APOLD1: variants seen among roughly 807,000 people sequenced by gnomAD.
The protein encoded by APOLD1 is apolipoprotein L domain-containing protein 1.
A neutral mutation model predicts 15.3 loss-of-function variants in APOLD1; 22 were observed. The ratio of observed to expected loss-of-function variants is 1.44; its 90% CI spans 1.03 to 2.05. The LOEUF is 2.05. Ranked by LOEUF, APOLD1 falls within the 30% of genes most tolerant of loss-of-function variation. APOLD1 has a pLI of 0.00. For missense variants in APOLD1, 394 were observed against 353.5 expected (o/e 1.11, Z -0.92); for synonymous variants, 190 against 167.4 (o/e 1.13, Z -1.04).
intron 1 of APOLD1, among the ~76,000 whole-genome samples, chr12:12,749,566 T>G (rs1946791681): frequency 6.6e-6 from 1 of 152,198 alleles, no homozygotes; most frequent in East Asian, 1.9e-4. Flanking sequence ...GATTGGTTGC[T>G]TTTTGCAGCC....
At chr12:12,755,571 T>C (rs1946851395) in intron 1 of APOLD1, among the ~76,000 whole-genome samples, 1 of 152,254 alleles carries the variant, frequency 6.6e-6, no homozygotes, top group Non-Finnish European at 1.5e-5. Flanking sequence ...CTGGGCGTGG[T>C]GGCTCACCCT....
At chr12:12,747,794 T>C (rs957664577) in intron 1 of APOLD1, among the ~76,000 whole-genome samples, 1 of 152,164 alleles carries the variant, frequency 6.6e-6, no homozygotes, top group African/African-American at 2.4e-5. Context: ...GGAGCACAAT[T>C]AGGGAGAAGC....
At chr12:12,730,957 C>T (rs376574526) in intron 1 of APOLD1, among the ~76,000 whole-genome samples, 12 of 151,690 alleles carry the variant, frequency 7.9e-5, no homozygotes, top group East Asian at 2.0e-4. Context: ...TTGGCTAACA[C>T]GGTGAAACCC....
At position 12,787,977 on chromosome 12, in the gene APOLD1, C is replaced by A; in HGVS notation, c.*325C>A. On this transcript the variant is annotated 3_prime_UTR_variant, in exon 2 of 2. Transcript: ENST00000356591. This position sits in a 1 kb window ranked among gnomAD's most constrained non-coding sequence, Gnocchi z 4.9. ...TAAAGTTATTTCGGGGTCCCTGACC[C>A]TGCCCTGGTGGCTTGGCCTGAGACT... 3.8e-6 allele frequency: 1 copy of A among 260,908 alleles called. No homozygotes were observed. 16.2% of individuals were successfully genotyped at this position (260,908 alleles called of 1,614,324 possible).
intron 1 of APOLD1, among the ~76,000 whole-genome samples, chr12:12,742,219 C>CA (rs948693574): frequency 4.4e-4 from 65 of 148,616 alleles, no homozygotes; most frequent in South Asian, 2.3e-3. Flanking sequence ...GTTGCTTTGG[C>CA]AAAAAAAAAG....
chr12:12,748,272 A>C lies in APOLD1; in HGVS notation c.96+22176A>C, dbSNP rs185880053. On this transcript the variant is annotated intron_variant, in intron 1 of 1. Transcript: ENST00000326765. The stretch of plus-strand genomic sequence containing the variant: ...GCTTCCAATGTGTTAGCACGAGGTA[A>C]TGTAAACAAACAGTCCAAGTTTTAA... 5.5e-4 allele frequency among the ~76,000 whole-genome samples: 84 copies of C among 152,328 alleles called. 1 individual carries two copies. The highest frequency in any genetic ancestry group is 4.1e-4 in the Non-Finnish European group (28 of 68,024).
chr12:12,733,210 C>T (rs116233167), intron 1 of APOLD1, among the ~76,000 whole-genome samples: 2,222 of 151,318 alleles, frequency 0.015, 51 homozygotes, highest in African/African-American at 0.05. Context: ...CCTGTAGTCA[C>T]AGCTACTCAG....
intron 1 of APOLD1, among the ~76,000 whole-genome samples, chr12:12,741,964 A>G (rs1946731704): frequency 6.6e-6 from 1 of 152,218 alleles, no homozygotes; most frequent in African/African-American, 2.4e-5. Flanking sequence ...GCTCAGTGTG[A>G]CACTCGATCC....
intron 1 of APOLD1, among the ~76,000 whole-genome samples, chr12:12,738,714 A>G (rs1479261896): frequency 6.6e-6 from 1 of 152,140 alleles, no homozygotes; most frequent in Non-Finnish European, 1.5e-5. Context: ...AGTATGCTGG[A>G]CTGTGCTAGG....
At chr12:12,754,876 C>CAA (rs56984147) in intron 1 of APOLD1, among the ~76,000 whole-genome samples, 4,419 of 98,726 alleles carry the variant, frequency 0.045, 282 homozygotes, top group African/African-American at 0.15. Context: ...CTTTGTCTCT[C>CAA]AAAAAAAAAA....
At chr12:12,765,537 A>G (rs1946937340) in intron 1 of APOLD1, among the ~76,000 whole-genome samples, 1 of 152,238 alleles carries the variant, frequency 6.6e-6, no homozygotes, top group Admixed American at 6.5e-5. Context: ...TGCAGAGAGG[A>G]AACACTTTTA....
chr12:12,758,708 T>C (rs1946877247), intron 1 of APOLD1, among the ~76,000 whole-genome samples: 1 of 152,224 alleles, frequency 6.6e-6, no homozygotes, highest in African/African-American at 2.4e-5. Flanking sequence ...TGGCCTTAAC[T>C]TTTGCAGTTT....
At chr12:12,728,191 G>A (rs1375966417) in intron 1 of APOLD1, among the ~76,000 whole-genome samples, 2 of 151,464 alleles carry the variant, frequency 1.3e-5, no homozygotes, top group African/African-American at 2.4e-5. Context: ...GGTATTGAAT[G>A]CCTGACTTCA....
chr12:12,729,419 A>G (rs1946619432), intron 1 of APOLD1, among the ~76,000 whole-genome samples: 1 of 152,064 alleles, frequency 6.6e-6, no homozygotes, highest in Non-Finnish European at 1.5e-5. Flanking sequence ...AATTCATAAG[A>G]TGTAATTTTT....
intron 1 of APOLD1, among the ~76,000 whole-genome samples, chr12:12,780,514 A>C (rs1324242368): frequency 6.6e-6 from 1 of 151,952 alleles, no homozygotes; most frequent in Non-Finnish European, 1.5e-5. Flanking sequence ...ACAGATGACA[A>C]AGGAAAGTCT....
rs1380561460 is a variant in APOLD1, at chr12:12,746,514, AATAC to A, written c.96+20422_96+20425del. ...TCCATCTCAAATAAATAAATAAATA[AATAC>A]ATAAATACATACATACATATTGCTC... On this transcript the variant is annotated intron_variant, in intron 1 of 1. Transcript: ENST00000326765. 3.3e-5 allele frequency among the ~76,000 whole-genome samples: 5 copies of A among 150,692 alleles called. No individual in the cohort carries two copies. In the Admixed American group the frequency reaches 3.3e-4, roughly 10 times the overall value.
At chr12:12,760,660 CAACAACCA>C (rs1028221459) in intron 1 of APOLD1, among the ~76,000 whole-genome samples, 10 of 149,754 alleles carry the variant, frequency 6.7e-5, no homozygotes, top group East Asian at 3.9e-4. Context: ...AAAAAACAAC[CAACAACCA>C]AACAACCAAA....
At chr12:12,767,945 C>G (rs1255431784) in intron 1 of APOLD1, among the ~76,000 whole-genome samples, 3 of 152,002 alleles carry the variant, frequency 2.0e-5, no homozygotes, top group Non-Finnish European at 4.4e-5. Flanking sequence ...GCCACCATGA[C>G]TGGCTAATTT....
intron 1 of APOLD1, among the ~76,000 whole-genome samples, chr12:12,751,599 C>T (rs1189835074): frequency 6.8e-6 from 1 of 147,840 alleles, no homozygotes; most frequent in Admixed American, 6.9e-5. Context: ...GATCCACCCA[C>T]CTTGGCCTAC....
Sources: allele counts gnomAD v4.1 joint callset (sites outside exome capture counted in the v4.1 genomes callset), GRCh38; gene constraint gnomAD v4.1.1; non-coding constraint Gnocchi (gnomAD v3.1); transcripts MANE v1.5; gene names NCBI Gene and HGNC (gene_info 2026-07-23, HGNC 2026-07-21).